Variants in LIFR observed in about 807,000 individuals in gnomAD.
LIFR encodes LIF receptor subunit alpha.
LIFR carries 84 observed loss-of-function variants against 122.2 expected under a neutral mutation model. That is an observed-to-expected ratio of 0.69 (90% confidence interval 0.58 to 0.82). The LOEUF is 0.82. Ranked by LOEUF, LIFR falls within the 40% of genes least tolerant of loss-of-function variation. The pLI, the probability that LIFR is intolerant of heterozygous loss-of-function variation, is 0.00. For missense variants in LIFR, 1,294 were observed against 1,311.6 expected (o/e 0.99, Z 0.21); for synonymous variants, 422 against 434.7 (o/e 0.97, Z 0.36).
chr5:38,601,736 T>C (rs1750225940), intron 2 of LIFR, among the ~76,000 whole-genome samples: 1 of 152,164 alleles, frequency 6.6e-6, no homozygotes, highest in South Asian at 2.1e-4. Flanking sequence ...TGCTGGGTGA[T>C]CTCATCCACT....
At chr5:38,553,674 T>TATA (rs1748363739) in intron 1 of LIFR, among the ~76,000 whole-genome samples, 14 of 93,816 alleles carry the variant, frequency 1.5e-4, no homozygotes, top group African/African-American at 3.4e-4. Flanking sequence ...ATATATATAT[T>TATA]ATATGTATGT....
In LIFR at chr5:38,479,922, A is replaced by G. The variant is rs1743899520; in HGVS notation, c.*1673T>C. ...ATTTCATTCCAAATTTCCACAGATCATAAAGCTCAGAAATTTAGCTGAATC... is the reference window on the plus strand; with the variant it reads ...ATTTCATTCCAAATTTCCACAGATCGTAAAGCTCAGAAATTTAGCTGAATC... On this transcript the variant is annotated 3_prime_UTR_variant, in exon 20 of 20. Coordinates refer to ENST00000453190, the MANE Select transcript of LIFR (RefSeq NM_001127671.2). The G allele has an allele frequency of 4.4e-6, 1 of 225,318 alleles. No homozygotes were observed. Among genetic ancestry groups the G allele is most frequent in the Non-Finnish European group, 8.8e-6 (1 of 113,360 alleles). The allele number at this position is 225,318 out of a possible 1,614,324, so 14.0% of individuals were successfully genotyped here. A position where few individuals can be genotyped will look rare whatever the true frequency, so the allele number is the denominator to read the frequency against.
At chr5:38,503,121 A>G (rs1446321588) in intron 10 of LIFR, among the ~76,000 whole-genome samples, 1 of 152,168 alleles carries the variant, frequency 6.6e-6, no homozygotes, top group Non-Finnish European at 1.5e-5. Context: ...TAATTTTGAT[A>G]ATCAAAGGGC....
intron 1 of LIFR, chr5:38,607,474 C>T (rs1314727128): frequency 6.6e-6 from 1 of 151,980 alleles, no homozygotes; most frequent in South Asian, 2.1e-4. Flanking sequence ...TCACTCCCAG[C>T]CTTCTGTTTT....
intron 1 of LIFR, among the ~76,000 whole-genome samples, chr5:38,587,626 G>A (rs923943943): frequency 6.6e-6 from 1 of 152,178 alleles, no homozygotes; most frequent in African/African-American, 2.4e-5. Flanking sequence ...TGGTGGTGGT[G>A]GTTGTTACTG....
intron 1 of LIFR, among the ~76,000 whole-genome samples, chr5:38,592,461 C>G (rs1261234324): frequency 1.3e-5 from 2 of 151,860 alleles, no homozygotes; most frequent in East Asian, 3.9e-4. Flanking sequence ...AGTTTGAGAC[C>G]AGCCTGGCCA....
At position 38,493,715 on chromosome 5, in the gene LIFR, G is replaced by A. The variant is rs1744722569; in HGVS notation, c.1956C>T (p.Asn652=). Residue 652 remains asparagine, a synonymous_variant, in exon 14 of 20, where the codon AAC becomes AAT. Coordinates refer to ENST00000453190, the MANE Select transcript of LIFR (RefSeq NM_001127671.2). The part of the protein sequence containing the change: ...GILLTWHYDP[N]MTCDYVIKWC... ...ACTTAATGACGTAGTCGCAAGTCAT[G>A]TTGGGGTCGTAATGCCAGGTGAGGA... 1 of 1,614,028 alleles carries A rather than the reference G, an allele frequency of 6.2e-7. No individual in the cohort carries two copies. The highest frequency in any genetic ancestry group is 1.7e-5 in the Admixed American group (1 of 60,000).
intron 1 of LIFR, among the ~76,000 whole-genome samples, chr5:38,540,457 C>A (rs1747530987): frequency 6.6e-6 from 1 of 152,226 alleles, no homozygotes; most frequent in Admixed American, 6.5e-5. Context: ...TGGAAAATAA[C>A]TGCCATCTTA....
intron 1 of LIFR, among the ~76,000 whole-genome samples, chr5:38,566,076 GA>G (rs1189734933): frequency 6.6e-6 from 1 of 151,878 alleles, no homozygotes; most frequent in East Asian, 1.9e-4. Flanking sequence ...AAAAAGAAAA[GA>G]AAAAAAGAAA....
At chr5:38,513,735 C>T (rs1029158074) in intron 5 of LIFR, among the ~76,000 whole-genome samples, 30 of 152,234 alleles carry the variant, frequency 2.0e-4, no homozygotes, top group African/African-American at 7.0e-4. Flanking sequence ...ACCTGCATAG[C>T]CCATCCTCAT....
upstream of LIFR, among the ~76,000 whole-genome samples, chr5:38,598,644 C>T (rs528187035): frequency 6.6e-6 from 1 of 152,208 alleles, no homozygotes; most frequent in East Asian, 1.9e-4. Flanking sequence ...CTGCCCCTTC[C>T]CCTGACACCC....
intron 1 of LIFR, among the ~76,000 whole-genome samples, chr5:38,582,984 G>T (rs1237033905): frequency 6.6e-6 from 1 of 152,162 alleles, no homozygotes; most frequent in Non-Finnish European, 1.5e-5. Flanking sequence ...CATTGTGTTT[G>T]ATCGCATTGC....
chr5:38,564,919 G>A (rs1482625579), intron 1 of LIFR, among the ~76,000 whole-genome samples: 3 of 151,476 alleles, frequency 2.0e-5, no homozygotes, highest in African/African-American at 4.9e-5. Flanking sequence ...GATTACAGGC[G>A]CCTGCCACCA....
At chr5:38,489,031 T>G in intron 16 of LIFR, 47 bp downstream of exon 16, 6 of 1,533,276 alleles carry the variant, frequency 3.9e-6, no homozygotes, top group Non-Finnish European at 5.4e-6. Context: ...TTGTGGTTAA[T>G]GAGAAACTTC....
intron 1 of LIFR, among the ~76,000 whole-genome samples, chr5:38,555,679 T>A (rs1748483112): frequency 7.2e-6 from 1 of 138,204 alleles, no homozygotes; most frequent in Admixed American, 7.6e-5. Flanking sequence ...CAACTGCAAA[T>A]AAAAGACCTC....
chr5:38,596,455 G>A (rs1750100627), upstream of LIFR, among the ~76,000 whole-genome samples: 1 of 152,172 alleles, frequency 6.6e-6, no homozygotes, highest in Non-Finnish European at 1.5e-5. Context: ...AGGTGCCTGG[G>A]CCCCACCTCC....
intron 5 of LIFR, among the ~76,000 whole-genome samples, chr5:38,517,509 C>T (rs919106147): frequency 4.6e-5 from 7 of 152,070 alleles, no homozygotes; most frequent in Admixed American, 4.6e-4. Flanking sequence ...ATTAGATTAA[C>T]AGACAAGACT....
At chr5:38,482,985 T>C (rs1744076525) in intron 18 of LIFR, among the ~76,000 whole-genome samples, 1 of 152,258 alleles carries the variant, frequency 6.6e-6, no homozygotes, top group African/African-American at 2.4e-5. Flanking sequence ...AGAACAGCTG[T>C]GATCCCATGG....
chr5:38,493,650 C>A lies in LIFR; in HGVS notation c.2021G>T (p.Trp674Leu). Reference protein sequence around the residue: ...SSRSEPCLMDWRKVPSNSTET... With the variant: ...SSRSEPCLMDLRKVPSNSTET... Reference sequence around the variant, plus strand: ...AGTGCTGTTTGAGGGAACTTTTCTCCAGTCCATAAGGCATGGTTCCGACCG... The same window carrying A: ...AGTGCTGTTTGAGGGAACTTTTCTCAAGTCCATAAGGCATGGTTCCGACCG... Residue 674 changes from tryptophan to leucine, a missense_variant, in exon 14 of 20, where the codon TGG becomes TTG. Physicochemically the swap from Trp to Leu is moderately conservative, Grantham distance 61. Coordinates refer to ENST00000453190, the MANE Select transcript of LIFR (RefSeq NM_001127671.2). 6.2e-7 allele frequency: 1 copy of A among 1,614,120 alleles called. No homozygotes were observed. The highest frequency in any genetic ancestry group is 1.1e-5 in the South Asian group (1 of 91,068).
Sources: allele counts gnomAD v4.1 joint callset (sites outside exome capture counted in the v4.1 genomes callset), GRCh38; gene constraint gnomAD v4.1.1; transcripts MANE v1.5; gene names NCBI Gene and HGNC (gene_info 2026-07-23, HGNC 2026-07-21).